Variants in ITGA10 observed in about 807,000 individuals in gnomAD.
ITGA10 encodes the protein integrin subunit alpha 10.
A neutral mutation model predicts 145.2 loss-of-function variants in ITGA10; 105 were observed. The ratio of observed to expected loss-of-function variants is 0.72; its 90% CI spans 0.62 to 0.85. ITGA10 has a LOEUF of 0.85. Among genes scored for constraint, ITGA10 ranks in the 40% least tolerant of loss-of-function variants. ITGA10 has a pLI of 0.00. For synonymous variants in ITGA10, 506 were observed against 557.8 expected (o/e 0.91, Z 1.31); for missense variants, 1,317 against 1,444.5 (o/e 0.91, Z 1.43).
chr1:145,907,896 G>C (rs942457580), intron 1 of ITGA10, among the ~76,000 whole-genome samples: 1 of 146,198 alleles, frequency 6.8e-6, no homozygotes, highest in Admixed American at 7.1e-5. Context: ...TCAGCCTCCC[G>C]TGTAGCTGGC....
intron 4 of ITGA10, 90 bp downstream of exon 4, chr1:145,906,643 C>T (rs1657179328): frequency 2.3e-6 from 3 of 1,299,296 alleles, no homozygotes; most frequent in South Asian, 1.2e-5. Flanking sequence ...CTCCTTGACC[C>T]CTCCACACAG....
At chr1:145,909,469 ATAT>A (rs1363219097) in intron 1 of ITGA10, among the ~76,000 whole-genome samples, 232 of 134,694 alleles carry the variant, frequency 1.7e-3, no homozygotes, top group Middle Eastern at 3.7e-3. Flanking sequence ...ATTATGTTAT[ATAT>A]TATATGTATA....
At chr1:145,899,952 G>C in intron 15 of ITGA10, 105 bp downstream of exon 15, 1 of 1,160,768 alleles carries the variant, frequency 8.6e-7, no homozygotes, top group Non-Finnish European at 1.2e-6. Flanking sequence ...TGGAGGCACA[G>C]AGTAAGTTGA....
chr1:145,908,360 C>A (rs1168490453), intron 1 of ITGA10, among the ~76,000 whole-genome samples: 1 of 152,106 alleles, frequency 6.6e-6, no homozygotes, highest in East Asian at 1.9e-4. Context: ...GGGCCACTCG[C>A]CTGCCCACAC....
chr1:145,900,057 C>T lies in ITGA10; in HGVS notation c.1922G>A (p.Ser641Asn). ...CACCACCTGAGCTGGGACCCCTCAC[C>T]TGAGCAGGATGGCTGCCCCCTGGGC... Reference protein sequence around the residue: ...VGAQGAAILLSSRPIVHLTPS... With the variant: ...VGAQGAAILLNSRPIVHLTPS... Residue 641 changes from serine (S) to asparagine (N), a missense_variant and splice_region_variant, in exon 15 of 30, where the codon AGC becomes AAC. By Grantham distance (46) the Ser-to-Asn change is conservative. Transcript: ENST00000369304. 6.2e-7 allele frequency: 1 copy of T among 1,613,030 alleles called. No homozygotes were observed. The highest frequency in any genetic ancestry group is 8.5e-7 in the Non-Finnish European group (1 of 1,179,546).
At chr1:145,902,430 C>G (rs1451891723) in intron 9 of ITGA10, 24 bp downstream of exon 9, 10 of 1,609,746 alleles carry the variant, frequency 6.2e-6, no homozygotes, top group Non-Finnish European at 8.5e-6. Flanking sequence ...CCCGCCCTGT[C>G]CATTTCTCCA....
chr1:145,909,403 T>C (rs1454373503), intron 1 of ITGA10, among the ~76,000 whole-genome samples: 1 of 143,350 alleles, frequency 7.0e-6, no homozygotes, highest in Non-Finnish European at 1.5e-5. Flanking sequence ...AGTGAGACCC[T>C]ATCTTTAAAA....
chr1:145,909,693 T>G (rs1013237729), intron 1 of ITGA10, among the ~76,000 whole-genome samples: 13 of 38,946 alleles, frequency 3.3e-4, no homozygotes, highest in Non-Finnish European at 1.1e-3. Flanking sequence ...ATATATAATA[T>G]ATAATTATAC....
intron 5 of ITGA10, among the ~76,000 whole-genome samples, chr1:145,905,230 A>G (rs1656966384): frequency 6.6e-6 from 1 of 152,080 alleles, no homozygotes; most frequent in African/African-American, 2.4e-5. Flanking sequence ...AACTATGAAG[A>G]CTGAAAATGT....
intron 5 of ITGA10, chr1:145,906,176 A>C (rs1657114402): frequency 2.1e-6 from 1 of 468,700 alleles, no homozygotes; most frequent in South Asian, 2.2e-5. Context: ...TGATCTGCCC[A>C]CCTTGGCCTC....
intron 9 of ITGA10, 45 bp downstream of exon 9, chr1:145,902,409 C>G (rs782104545): frequency 1.2e-6 from 2 of 1,610,626 alleles, no homozygotes; most frequent in East Asian, 2.2e-5. Context: ...CACCTACACT[C>G]CAGAACTTCT....
rs1553751526 is a variant in ITGA10, at chr1:145,907,125, C to T, written c.190G>A (p.Gly64Arg). 6.4e-7 allele frequency: 1 copy of T among 1,562,258 alleles called. No individual in the cohort carries two copies. The highest frequency in any genetic ancestry group is 1.2e-5 in the South Asian group (1 of 84,846). ...RWMLVGAPWDGPSGDRRGDVY... is the reference protein window; with the variant it reads ...RWMLVGAPWDRPSGDRRGDVY... ...TCCCCCCTCCGGTCGCCTGAAGGCC[C>T]ATCCCAGGGGGCGCCCACCAGCATC... Residue 64 changes from glycine to arginine, a missense_variant, in exon 3 of 30, where the codon GGG becomes AGG. By Grantham distance (125) the Gly-to-Arg change is moderately radical. Transcript: ENST00000369304.
chr1:145,896,932 T>A (rs1655495678), intron 22 of ITGA10, 74 bp from the exon 23 acceptor site: 6 of 1,517,248 alleles, frequency 4.0e-6, no homozygotes, highest in Non-Finnish European at 5.5e-6. Context: ...AATAGAGGAA[T>A]CAATGTTGTT....
chr1:145,896,076 A>G lies in ITGA10; in HGVS notation c.2940T>C (p.Tyr980=). 6.2e-7 allele frequency: 1 copy of G among 1,614,186 alleles called. No homozygotes were observed. Among genetic ancestry groups the G allele is most frequent in the Admixed American group, 1.7e-5 (1 of 60,026 alleles). Residue 980 remains tyrosine (Y), a synonymous_variant, in exon 25 of 30, where the codon TAT becomes TAC. Coordinates refer to ENST00000369304, the MANE Select transcript of ITGA10 (RefSeq NM_003637.5). ...CTGAGATGATGAGGCCACTGACCAC[A>G]TAGCAGCCTAGGTTCTGAACCTAAG... ...TTLRVQNLGC[Y]VVSGLIISAL... is the part of the protein sequence containing the mutation.
chr1:145,892,818 CT>C lies in ITGA10; in HGVS notation c.3483del (p.Glu1162LysfsTer13), dbSNP rs782806031. 6.2e-7 allele frequency: 1 copy of C among 1,613,756 alleles called. No individual in the cohort carries two copies. On this transcript the variant is annotated frameshift_variant, in exon 30 of 30. Coordinates refer to ENST00000369304, the MANE Select transcript of ITGA10 (RefSeq NM_003637.5). LOFTEE classifies it high-confidence loss of function. ...AHKKIPEEEK[R>X]EEKLEQ ...TACATTCATTGCTCCAACTTCTCTT[CT>C]CTTTTTTCTTCCTCAGGGATTTTCT...
Position 145,904,067 on chromosome 1 carries a change from G to A in ITGA10, c.743C>T (p.Ala248Val), listed in dbSNP as rs782416741. ...REGRETKTAQ[A>V]IMVACTEGFS... is the part of the protein sequence containing the mutation. ...AATGCCTCACCAGGCCACCATTATT[G>A]CTTGGGCAGTCTTTGTTTCTCGTCC... The change falls in exon 7 of 30, where the codon GCA becomes GTA. Residue 248 changes from alanine (A) to valine (V), a missense_variant. Ala to Val is a moderately conservative substitution (Grantham distance 64, BLOSUM62 0). Transcript: ENST00000369304. 3.7e-6 allele frequency: 6 copies of A among 1,613,924 alleles called. No homozygotes were observed. In the South Asian group the frequency reaches 6.6e-5, roughly 18 times the overall value.
intron 25 of ITGA10, 107 bp from the exon 26 acceptor site, chr1:145,895,818 CT>C: frequency 1.8e-6 from 2 of 1,110,754 alleles, no homozygotes; most frequent in South Asian, 1.4e-5. Context: ...CTTATAATAC[CT>C]TTTTCTTCTC....
intron 1 of ITGA10, among the ~76,000 whole-genome samples, chr1:145,908,078 C>T (rs587601693): frequency 1.5e-4 from 23 of 152,170 alleles, no homozygotes; most frequent in Non-Finnish European, 2.4e-4. Flanking sequence ...CTACTCTTTT[C>T]CACAACATTC....
In ITGA10 at chr1:145,896,501, C is replaced by T. The variant is rs974506643; in HGVS notation, c.2835-149G>A. On this transcript the variant is annotated intron_variant, in intron 23 of 29. Coordinates refer to ENST00000369304, the MANE Select transcript of ITGA10 (RefSeq NM_003637.5). ...GTACATGGAGAAGACAGAAGTAGAA[C>T]ATGACACAGACAATGCAAGCTTTAT... is the stretch of plus-strand genomic sequence containing the variant. The T allele has an allele frequency of 5.6e-5, 40 of 717,840 alleles. 1 individual carries two copies. In the East Asian group the frequency reaches 9.4e-4, roughly 17 times the overall value. 44.5% of individuals were successfully genotyped at this position (717,840 alleles called of 1,614,324 possible).
Sources: allele counts gnomAD v4.1 joint callset (sites outside exome capture counted in the v4.1 genomes callset), GRCh38; gene constraint gnomAD v4.1.1; transcripts MANE v1.5; gene names NCBI Gene and HGNC (gene_info 2026-07-23, HGNC 2026-07-21).